The following EXT1 variants were observed in gnomAD, a reference collection of about 807,000 sequenced individuals.
EXT1 encodes exostosin glycosyltransferase 1.
Under a neutral mutation model 82.5 loss-of-function variants are expected in EXT1, and 20 were observed. The observed-to-expected ratio is 0.24, with a 90% CI of 0.17 to 0.35. The LOEUF (loss-of-function observed/expected upper bound fraction) is 0.35. EXT1 is among the 10% of genes least tolerant of loss of function. EXT1 has a pLI of 1.00. For synonymous variants in EXT1, 348 were observed against 350.8 expected (o/e 0.99, Z 0.09); for missense variants, 757 against 936.5 (o/e 0.81, Z 2.50).
At chr8:117,883,753 T>C (rs187037684) in intron 1 of EXT1, among the ~76,000 whole-genome samples, 5 of 152,302 alleles carry the variant, frequency 3.3e-5, no homozygotes, top group Admixed American at 3.3e-4. Context: ...GCAAGCAGCT[T>C]TGTGTGGCTG....
At position 117,928,957 on chromosome 8, in the gene EXT1, A is replaced by C. The variant is rs1174954070; in HGVS notation, c.963-91756T>G. Among the ~76,000 whole-genome samples, 8 of 152,194 alleles carry C rather than the reference A, an allele frequency of 5.3e-5. No individual in the cohort carries two copies. In the East Asian group the frequency reaches 1.5e-3, roughly 29 times the overall value. On this transcript the variant is annotated intron_variant, in intron 1 of 10. Transcript: ENST00000378204. The stretch of plus-strand genomic sequence containing the variant: ...ACCCAAAAGCCCACGGCCAAATAGA[A>C]AACAGAAATAATTGAGCCCAGGTTG...
intron 1 of EXT1, among the ~76,000 whole-genome samples, chr8:117,862,429 T>C (rs991496737): frequency 6.9e-6 from 1 of 145,816 alleles, no homozygotes; most frequent in African/African-American, 2.4e-5. Flanking sequence ...CCTATGACAA[T>C]GTAAATAAAA....
At chr8:118,007,641 C>T (rs191435252) in intron 1 of EXT1, among the ~76,000 whole-genome samples, 41 of 152,230 alleles carry the variant, frequency 2.7e-4, no homozygotes, top group African/African-American at 8.7e-4. Context: ...ATACAAAAGA[C>T]GAAGAAGATA....
At chr8:117,886,537 CA>C (rs1813150195) in intron 1 of EXT1, among the ~76,000 whole-genome samples, 1 of 152,208 alleles carries the variant, frequency 6.6e-6, no homozygotes, top group Admixed American at 6.5e-5. Flanking sequence ...GCTACTAAAA[CA>C]AATTGCCACA....
chr8:118,052,310 T>A (rs1362418991), intron 1 of EXT1, among the ~76,000 whole-genome samples: 1 of 152,266 alleles, frequency 6.6e-6, no homozygotes, highest in Non-Finnish European at 1.5e-5. Context: ...GTTGGATTTT[T>A]AAAATCTTTG....
chr8:118,047,943 T>C (rs1449323858), intron 1 of EXT1, among the ~76,000 whole-genome samples: 2 of 151,900 alleles, frequency 1.3e-5, no homozygotes, highest in African/African-American at 2.4e-5. Context: ...GGAGAATTGC[T>C]TGAATCCGGG....
At chr8:117,874,963 A>G (rs1276546588) in intron 1 of EXT1, among the ~76,000 whole-genome samples, 1 of 152,190 alleles carries the variant, frequency 6.6e-6, no homozygotes, top group East Asian at 1.9e-4. Flanking sequence ...TGCAAAAATA[A>G]AAGATTTTAA....
chr8:118,043,383 G>T (rs934022068), intron 1 of EXT1, among the ~76,000 whole-genome samples: 3 of 152,118 alleles, frequency 2.0e-5, no homozygotes, highest in African/African-American at 7.2e-5. Flanking sequence ...TTATTTCCTA[G>T]GAAAGAGACC....
chr8:118,028,520 T>C (rs1816242846), intron 1 of EXT1, among the ~76,000 whole-genome samples: 1 of 151,930 alleles, frequency 6.6e-6, no homozygotes, highest in African/African-American at 2.4e-5. Context: ...CATATATAGA[T>C]ATACATATGA....
chr8:117,872,729 T>C (rs1812895530), intron 1 of EXT1, among the ~76,000 whole-genome samples: 1 of 152,002 alleles, frequency 6.6e-6, no homozygotes, highest in Non-Finnish European at 1.5e-5. Context: ...TTATACAATG[T>C]GTTTTGGTAT....
chr8:118,110,938 T>G lies in EXT1; in HGVS notation c.109A>C (p.Arg37=), dbSNP rs781539360. 1 of 1,613,730 alleles carries G rather than the reference T, an allele frequency of 6.2e-7. No homozygotes were observed. The highest frequency in any genetic ancestry group is 8.5e-7 in the Non-Finnish European group (1 of 1,180,042). ...QFRASRSHSR[R]EEHSGRNGLH... is the part of the protein sequence containing the mutation. ...CCATTCCTACCGCTGTGTTCTTCTC[T>G]CCGGCTGTGGCTCCTCGATGCCCTA... Residue 37 remains arginine (R), a synonymous_variant, in exon 1 of 11, where the codon AGA becomes CGA. Transcript: ENST00000378204.
chr8:117,894,719 A>G (rs1340477585), intron 1 of EXT1, among the ~76,000 whole-genome samples: 1 of 152,212 alleles, frequency 6.6e-6, no homozygotes, highest in Admixed American at 6.5e-5. Context: ...GGACAGTGTA[A>G]GTGCCTCTTC....
At chr8:118,091,254 C>G (rs766154409) in intron 1 of EXT1, among the ~76,000 whole-genome samples, 12 of 152,168 alleles carry the variant, frequency 7.9e-5, no homozygotes, top group Non-Finnish European at 1.6e-4. Context: ...GACCAGGAAC[C>G]TACTTGTAGC....
At chr8:118,026,880 C>T (rs1392662840) in intron 1 of EXT1, among the ~76,000 whole-genome samples, 1 of 152,198 alleles carries the variant, frequency 6.6e-6, no homozygotes, top group East Asian at 1.9e-4. Context: ...AAAACAGAGT[C>T]TTCTCAGGCA....
At chr8:117,887,356 TTTTTC>T (rs1476857714) in intron 1 of EXT1, among the ~76,000 whole-genome samples, 1 of 152,150 alleles carries the variant, frequency 6.6e-6, no homozygotes, top group African/African-American at 2.4e-5. Context: ...CTTCAACCCT[TTTTTC>T]TTTTGCCTTG....
At chr8:117,898,010 G>A (rs1813375233) in intron 1 of EXT1, among the ~76,000 whole-genome samples, 1 of 152,152 alleles carries the variant, frequency 6.6e-6, no homozygotes, top group South Asian at 2.1e-4. Flanking sequence ...CTTTCTAAGT[G>A]ATTATTGTCC....
At chr8:117,972,340 T>C (rs536213943) in intron 1 of EXT1, among the ~76,000 whole-genome samples, 20 of 152,294 alleles carry the variant, frequency 1.3e-4, no homozygotes, top group African/African-American at 4.8e-4. Flanking sequence ...TATTTACTGT[T>C]TTCTACTTGA....
At chr8:118,033,654 T>C (rs73325953) in intron 1 of EXT1, among the ~76,000 whole-genome samples, 2,229 of 152,020 alleles carry the variant, frequency 0.015, 55 homozygotes, top group African/African-American at 0.05. Flanking sequence ...AATTTTTTGG[T>C]TTTTGTAGAG....
intron 1 of EXT1, among the ~76,000 whole-genome samples, chr8:117,844,824 C>T (rs571929476): frequency 2.2e-4 from 33 of 152,222 alleles, no homozygotes; most frequent in African/African-American, 7.5e-4. Flanking sequence ...GGATGCTTGG[C>T]GTCCCCAAGC....
Sources: allele counts gnomAD v4.1 joint callset (sites outside exome capture counted in the v4.1 genomes callset), GRCh38; gene constraint gnomAD v4.1.1; transcripts MANE v1.5; gene names NCBI Gene and HGNC (gene_info 2026-07-23, HGNC 2026-07-21).